The following SLC5A12 variants were observed in gnomAD, a reference collection of about 807,000 sequenced individuals.
The protein encoded by SLC5A12 is sodium-coupled monocarboxylate transporter 2.
SLC5A12 carries 46 observed loss-of-function variants against 72.7 expected under a neutral mutation model. That is an observed-to-expected ratio of 0.63 (90% CI 0.50 to 0.81). The LOEUF (loss-of-function observed/expected upper bound fraction) is 0.81, where lower values mean the gene tolerates loss of function less well. Among genes scored for constraint, SLC5A12 ranks in the 30% least tolerant of loss-of-function variants. SLC5A12 has a pLI of 0.00. For missense variants in SLC5A12, 683 were observed against 740.7 expected (o/e 0.92, Z 0.90); for synonymous variants, 275 against 264.4 (o/e 1.04, Z -0.39).
intron 9 of SLC5A12, 83 bp downstream of exon 9, chr11:26,692,406 C>A: frequency 3.3e-6 from 3 of 912,688 alleles, no homozygotes; most frequent in Non-Finnish European, 1.8e-6. Flanking sequence ...ATAAGTGTGT[C>A]CTGAATAGCA....
intron 8 of SLC5A12, among the ~76,000 whole-genome samples, chr11:26,696,411 A>G (rs17309370): frequency 0.063 from 9,531 of 152,296 alleles, 420 homozygotes; most frequent in Non-Finnish European, 0.091. Flanking sequence ...ATGGAATGCA[A>G]AGAATAGATG....
chr11:26,710,619 C>A (rs1419681759), intron 3 of SLC5A12, among the ~76,000 whole-genome samples: 1 of 151,932 alleles, frequency 6.6e-6, no homozygotes, highest in African/African-American at 2.4e-5. Flanking sequence ...TTCTAACAAT[C>A]CATGCTTTTT....
intron 14 of SLC5A12, among the ~76,000 whole-genome samples, chr11:26,672,438 T>C (rs1854165065): frequency 6.6e-6 from 1 of 152,094 alleles, no homozygotes; most frequent in Admixed American, 6.6e-5. Flanking sequence ...AGACAGACAC[T>C]GATAAGGTCA....
chr11:26,709,320 A>G lies in SLC5A12; in HGVS notation c.517T>C (p.Cys173Arg). ...FATGIVCTFY[C>R]TLGGLKAVVW... is the part of the protein sequence containing the mutation. ...CACAGCTAGATACATACCAGGGTAC[A>G]GTAGAATGTGCAAACAATTCCTGTT... Residue 173 changes from cysteine to arginine, a missense_variant, in exon 4 of 15, where the codon TGT (cysteine) becomes CGT (arginine). Cys to Arg is a radical substitution (Grantham distance 180). Coordinates refer to ENST00000396005, the MANE Select transcript of SLC5A12 (RefSeq NM_178498.4). The G allele has an allele frequency of 6.2e-7, 1 of 1,610,940 alleles. No individual in the cohort carries two copies. Among genetic ancestry groups the G allele is most frequent in the Non-Finnish European group, 8.5e-7 (1 of 1,178,028 alleles).
intron 2 of SLC5A12, 73 bp downstream of exon 2, chr11:26,712,568 T>G: frequency 8.8e-7 from 1 of 1,137,456 alleles, no homozygotes; most frequent in South Asian, 2.0e-5. Flanking sequence ...CTGAGTTTAT[T>G]GCCCCCAAAA....
chr11:26,706,202 C>T (rs913828004), intron 4 of SLC5A12, among the ~76,000 whole-genome samples: 7 of 151,798 alleles, frequency 4.6e-5, no homozygotes, highest in Admixed American at 6.6e-5. Flanking sequence ...TCTAATTTGA[C>T]GAGAGAGAAG....
At chr11:26,681,292 AGT>A in intron 11 of SLC5A12, 71 bp from the exon 12 acceptor site, 2 of 1,230,284 alleles carry the variant, frequency 1.6e-6, no homozygotes, top group Non-Finnish European at 2.2e-6. Context: ...TGAGATGAGG[AGT>A]TCTATGCCTT....
chr11:26,703,262 T>C (rs1452158151), intron 6 of SLC5A12, among the ~76,000 whole-genome samples: 1 of 152,108 alleles, frequency 6.6e-6, no homozygotes, highest in East Asian at 1.9e-4. Context: ...TCTAGTAATT[T>C]CTCAATAAAT....
At chr11:26,718,292 T>C (rs1443337553) in intron 1 of SLC5A12, among the ~76,000 whole-genome samples, 2 of 152,180 alleles carry the variant, frequency 1.3e-5, no homozygotes, top group South Asian at 4.1e-4. Context: ...AATAAATCAT[T>C]TACTCCTCAC....
At chr11:26,697,716 T>C (rs1854856493) in intron 7 of SLC5A12, among the ~76,000 whole-genome samples, 1 of 152,030 alleles carries the variant, frequency 6.6e-6, no homozygotes, top group African/African-American at 2.4e-5. Flanking sequence ...GAGGCAGGCA[T>C]TGTGGAAATA....
intron 6 of SLC5A12, 142 bp from the exon 7 acceptor site, chr11:26,698,677 C>G: frequency 3.1e-6 from 2 of 651,714 alleles, no homozygotes; most frequent in Non-Finnish European, 4.7e-6. Context: ...AATCACTACA[C>G]TTTATACTTT....
chr11:26,673,609 A>G (rs938888617), intron 13 of SLC5A12, 80 bp from the exon 14 acceptor site: 1 of 1,444,648 alleles, frequency 6.9e-7, no homozygotes, highest in Non-Finnish European at 9.1e-7. Flanking sequence ...TGTCAACTTG[A>G]AAAGTAGGTT....
chr11:26,710,092 T>A (rs1194352100), intron 3 of SLC5A12, among the ~76,000 whole-genome samples: 9 of 151,996 alleles, frequency 5.9e-5, no homozygotes, highest in Non-Finnish European at 1.0e-4. Context: ...TGTTCAACTG[T>A]CACTTATGAG....
chr11:26,673,545 C>A lies in SLC5A12; in HGVS notation c.1580-16G>T, dbSNP rs372585278. 2.5e-6 allele frequency: 4 copies of A among 1,591,474 alleles called. No individual in the cohort carries two copies. Among genetic ancestry groups the A allele is most frequent in the Non-Finnish European group, 2.6e-6 (3 of 1,170,296 alleles). On this transcript the variant is annotated splice_polypyrimidine_tract_variant and intron_variant, in intron 13 of 14. Coordinates refer to ENST00000396005, the MANE Select transcript of SLC5A12 (RefSeq NM_178498.4). Reference sequence around the variant, plus strand: ...CTTTGGCGACCTATTAACAAAAGAACAAATAGATTAGATGGTTGCAGGCCT... The same window carrying A: ...CTTTGGCGACCTATTAACAAAAGAAAAAATAGATTAGATGGTTGCAGGCCT...
intron 6 of SLC5A12, among the ~76,000 whole-genome samples, chr11:26,699,487 T>C (rs1052484454): frequency 1.1e-4 from 17 of 152,216 alleles, no homozygotes; most frequent in African/African-American, 4.1e-4. Context: ...TTATCCCATT[T>C]AGAGGAGTTT....
At position 26,721,558 on chromosome 11, in the gene SLC5A12, C is replaced by A; in HGVS notation, c.157G>T (p.Val53Phe). The A allele has an allele frequency of 1.2e-6, 2 of 1,614,140 alleles. No individual in the cohort carries two copies. Among genetic ancestry groups the A allele is most frequent in the Non-Finnish European group, 1.7e-6 (2 of 1,180,028 alleles). ...AAGCTGGCTGTCAGAGACAAGCCGA[C>A]AGGGCCAAAGCTCATTTGCCTTCCC... ...VGGRQMSFGP[V>F]GLSLTASFMS... is the part of the protein sequence containing the mutation. Residue 53 changes from valine to phenylalanine, a missense_variant, in exon 1 of 15, where the codon GTC becomes TTC. By Grantham distance (50) the Val-to-Phe change is conservative. Transcript: ENST00000396005.
In SLC5A12 at chr11:26,673,441, T is replaced by C. The variant is rs774193536; in HGVS notation, c.1668A>G (p.Leu556=). ...TGTCATGCTGAACTCCACACCAGCA[T>C]AGTGTTTTGTACTTCTTAGACCAAA... The part of the protein sequence containing the change: ...FCFWSKKYKT[L]CWCGVQHDSG... The change falls in exon 14 of 15, where the codon CTA becomes CTG. Residue 556 remains leucine (L), a synonymous_variant. Transcript: ENST00000396005. 9 of 1,610,848 alleles carry C rather than the reference T, an allele frequency of 5.6e-6. No homozygotes were observed. The highest frequency in any genetic ancestry group is 4.4e-5 in the South Asian group (4 of 90,442).
In SLC5A12 at chr11:26,667,769, G is replaced by A. The variant is rs547478995; in HGVS notation, c.*3333C>T. 5.3e-5 allele frequency: 8 copies of A among 151,354 alleles called. No individual in the cohort carries two copies. The East Asian group carries it at 1.6e-3, about 30-fold the overall frequency. The allele number at this position is 151,354 out of a possible 1,614,324, so 9.4% of individuals were successfully genotyped here. ...GAAAATAATATTTTATTTAAACTCT[G>A]GCATTAAAAAAACTACTCTTTGGAA... On this transcript the variant is annotated 3_prime_UTR_variant, in exon 15 of 15. Transcript: ENST00000396005.
intron 4 of SLC5A12, 96 bp from the exon 5 acceptor site, chr11:26,704,043 G>T: frequency 7.6e-7 from 1 of 1,316,444 alleles, no homozygotes; most frequent in Non-Finnish European, 1.1e-6. Context: ...GCATTCTTTT[G>T]TTTATTCAGC....
Sources: gnomAD v4.1 joint callset for allele counts (sites outside exome capture counted in the v4.1 genomes callset) on GRCh38, gnomAD v4.1.1 for gene constraint, MANE v1.5 for transcripts, NCBI Gene and HGNC (gene_info 2026-07-23, HGNC 2026-07-21) for gene names.